CSAD: variants seen among roughly 807,000 people sequenced by gnomAD.
The protein encoded by CSAD is cysteine sulfinic acid decarboxylase, also known as P-selectin cytoplasmic tail-associated protein.
In CSAD, 47 loss-of-function variants were observed where a neutral mutation model predicts 61.5. The ratio of observed to expected loss-of-function variants is 0.76; its 90% CI spans 0.60 to 0.97. The LOEUF (loss-of-function observed/expected upper bound fraction) is 0.97. CSAD is among the 50% of genes least tolerant of loss of function. CSAD has a pLI of 0.00. For missense variants in CSAD, 611 were observed against 643.6 expected, an observed-to-expected ratio of 0.95 and a Z score of 0.55; for synonymous variants, 245 against 252.7, an observed-to-expected ratio of 0.97 and a Z score of 0.29.
intron 10 of CSAD, among the ~76,000 whole-genome samples, chr12:53,169,570 G>C (rs1451205651): frequency 6.6e-6 from 1 of 151,738 alleles, no homozygotes; most frequent in Admixed American, 6.6e-5. Context: ...CTGGGTGACT[G>C]AGTGAGACTC....
chr12:53,173,976 C>T (rs1459738686), intron 2 of CSAD: 1 of 585,976 alleles, frequency 1.7e-6, no homozygotes, highest in Non-Finnish European at 3.0e-6. Flanking sequence ...TACTTTGTTT[C>T]TGTAGATTTG....
In CSAD at chr12:53,163,505, T is replaced by C. The variant is rs144191719; in HGVS notation, c.703-2116A>G. On this transcript the variant is annotated intron_variant, in intron 10 of 16. Coordinates refer to ENST00000444623, the MANE Select transcript of CSAD (RefSeq NM_001244705.2). ...AAAAGACAGAATATACAAAAATCAATTGTATCTCTATACACATTAGCAATG... is the reference window on the plus strand; with the variant it reads ...AAAAGACAGAATATACAAAAATCAACTGTATCTCTATACACATTAGCAATG... Among the ~76,000 whole-genome samples the C allele has an allele frequency of 3.3e-5, 5 of 152,196 alleles. No individual in the cohort carries two copies. The East Asian group carries it at 9.6e-4, about 29-fold the overall frequency.
At position 53,177,621 on chromosome 12, in the gene CSAD, A is replaced by G. The variant is rs578217233; in HGVS notation, c.-50+1481T>C. Among the ~76,000 whole-genome samples the G allele has an allele frequency of 1.4e-3, 205 of 151,768 alleles. 1 individual carries two copies. The highest frequency in any genetic ancestry group is 4.8e-3 in the African/African-American group (198 of 41,436). ...CTAAGGCAACAAAGCGTGGAGACCC[A>G]TCTATTTATTTATTTATTTATTTAT... On this transcript the variant is annotated intron_variant, in intron 2 of 16. Transcript: ENST00000444623.
At position 53,179,390 on chromosome 12, in the gene CSAD, C is replaced by T. The variant is rs191821464; in HGVS notation, c.-90-248G>A. Among the ~76,000 whole-genome samples the T allele has an allele frequency of 8.0e-3, 1,223 of 152,206 alleles. 16 individuals carry two copies. Among genetic ancestry groups the T allele is most frequent in the African/African-American group, 0.028 (1,180 of 41,538 alleles). Reference sequence around the variant, plus strand: ...ATGAACACAGAAAAAAGCCTAAAAGCATATATACCAAACTGGTAAGAATGA... The same window carrying T: ...ATGAACACAGAAAAAAGCCTAAAAGTATATATACCAAACTGGTAAGAATGA... On this transcript the variant is annotated intron_variant, in intron 1 of 16. Coordinates refer to ENST00000444623, the MANE Select transcript of CSAD (RefSeq NM_001244705.2).
Position 53,170,553 on chromosome 12 carries a change from G to C in CSAD, c.568-51C>G, listed in dbSNP as rs749167631. ...TAGCACAACTTGATGGGGGAGGGGA[G>C]AGAAGGTAAAAGTCAAGTGTGAGCT... On this transcript the variant is annotated intron_variant, in intron 8 of 16. Transcript: ENST00000444623. The C allele has an allele frequency of 4.1e-6, 6 of 1,446,790 alleles. No homozygotes were observed. In the South Asian group the frequency reaches 6.8e-5, roughly 17 times the overall value. 89.6% of individuals were successfully genotyped at this position (1,446,790 alleles called of 1,614,324 possible).
At chr12:53,181,287 C>T, upstream of CSAD, 3 of 985,452 alleles carry the variant, frequency 3.0e-6, no homozygotes, top group Non-Finnish European at 2.4e-6. Context: ...CTGCCCGCCA[C>T]CGAAGCACCC....
chr12:53,163,300 T>C (rs771721195), intron 10 of CSAD, among the ~76,000 whole-genome samples: 8 of 151,866 alleles, frequency 5.3e-5, no homozygotes, highest in Admixed American at 5.3e-4. Flanking sequence ...TGAGCCCAGG[T>C]GGTCAAGGCT....
chr12:53,169,530 A>T (rs905516934), intron 10 of CSAD, among the ~76,000 whole-genome samples: 1 of 151,026 alleles, frequency 6.6e-6, no homozygotes, highest in Non-Finnish European at 1.5e-5. Flanking sequence ...TATTATTATT[A>T]TTTTTGAGAT....
chr12:53,159,750 A>T, intron 15 of CSAD, 38 bp from the exon 16 acceptor site: 1 of 1,569,034 alleles, frequency 6.4e-7, no homozygotes, highest in Non-Finnish European at 8.7e-7. Context: ...TGAGCTGAGA[A>T]AGGGGGACCG....
intron 2 of CSAD, among the ~76,000 whole-genome samples, chr12:53,176,931 A>G (rs903441972): frequency 6.6e-6 from 1 of 151,788 alleles, no homozygotes; most frequent in African/African-American, 2.4e-5. Context: ...GGGTCTCACT[A>G]TGTTGCCCAG....
intron 10 of CSAD, among the ~76,000 whole-genome samples, chr12:53,163,467 C>T (rs1939545802): frequency 6.6e-6 from 1 of 152,072 alleles, no homozygotes; most frequent in African/African-American, 2.4e-5. Flanking sequence ...GGTAACAGAT[C>T]ACAAACTCTT....
chr12:53,172,102 G>T (rs1405859244), intron 6 of CSAD, 114 bp from the exon 7 acceptor site: 5 of 779,736 alleles, frequency 6.4e-6, no homozygotes, highest in Non-Finnish European at 6.4e-6. Context: ...CAAAGCAACA[G>T]TCCAAGGAGA....
intron 1 of CSAD, 160 bp downstream of exon 1, chr12:53,180,572 T>C (rs984607078): frequency 4.7e-5 from 60 of 1,284,478 alleles, no homozygotes; most frequent in Non-Finnish European, 5.5e-5. Context: ...CTCACCCAGC[T>C]GCACCTCTCC....
upstream of CSAD, chr12:53,181,078 C>T: frequency 1.2e-6 from 1 of 852,890 alleles, no homozygotes; most frequent in Non-Finnish European, 1.4e-6. Context: ...CGGGCGCGAG[C>T]ACGCATCTCG....
intron 7 of CSAD, 55 bp downstream of exon 7, chr12:53,171,827 G>A (rs776854374): frequency 6.2e-6 from 7 of 1,129,742 alleles, no homozygotes; most frequent in African/African-American, 6.1e-5. Flanking sequence ...GAGAACGGTG[G>A]GGGAGGAGGA....
At chr12:53,165,555 C>T (rs149825004) in intron 10 of CSAD, among the ~76,000 whole-genome samples, 6 of 147,508 alleles carry the variant, frequency 4.1e-5, no homozygotes, top group African/African-American at 1.3e-4. Flanking sequence ...CCCAGCTACT[C>T]GGGAGGCTGA....
intron 3 of CSAD, 64 bp downstream of exon 3, chr12:53,173,664 G>A (rs887596443): frequency 1.4e-6 from 2 of 1,443,142 alleles, no homozygotes; most frequent in East Asian, 2.3e-5. Context: ...GGAGAGAAAA[G>A]GCAGTCAGTG....
Position 53,172,002 on chromosome 12 carries a change from G to C in CSAD, c.345-14C>G, listed in dbSNP as rs778671023. The C allele has an allele frequency of 2.5e-6, 4 of 1,590,960 alleles. No individual in the cohort carries two copies. The highest frequency in any genetic ancestry group is 2.2e-5 in the South Asian group (2 of 90,416). ...TCATATGTGTACCTGCCAGGAGAGA[G>C]AACGACGAGAAAGGAGAGATGGGGA... On this transcript the variant is annotated splice_polypyrimidine_tract_variant and intron_variant, in intron 6 of 16. Transcript: ENST00000444623.
In CSAD at chr12:53,180,852, CA is replaced by C. The variant is rs1391414031; in HGVS notation, c.-212del. On this transcript the variant is annotated 5_prime_UTR_variant, in exon 1 of 17. Coordinates refer to ENST00000444623, the MANE Select transcript of CSAD (RefSeq NM_001244705.2). ...GCGCCTGGCAGGTAGGAGCAAGCCC[CA>C]AAGACCGCAGCGTCGTCCGTACAGA... is the stretch of plus-strand genomic sequence containing the variant. The C allele has an allele frequency of 7.9e-7, 1 of 1,262,870 alleles. No homozygotes were observed. Among genetic ancestry groups the C allele is most frequent in the Non-Finnish European group, 1.0e-6 (1 of 978,430 alleles). 78.2% of individuals were successfully genotyped at this position (1,262,870 alleles called of 1,614,324 possible).
Sources: gnomAD v4.1 joint callset for allele counts (sites outside exome capture counted in the v4.1 genomes callset) on GRCh38, gnomAD v4.1.1 for gene constraint, MANE v1.5 for transcripts, NCBI Gene and HGNC (gene_info 2026-07-23, HGNC 2026-07-21) for gene names.